Variants in CNTNAP2 observed in about 807,000 individuals in gnomAD.
CNTNAP2 encodes the protein contactin associated protein 2, also known as contactin-associated protein-like 2.
CNTNAP2 carries 98 observed loss-of-function variants against 155.2 expected under a neutral mutation model. That is an observed-to-expected ratio of 0.63 (90% CI 0.54 to 0.75). The LOEUF (loss-of-function observed/expected upper bound fraction) is 0.75, where lower values mean the gene tolerates loss of function less well. Among genes scored for constraint, CNTNAP2 ranks in the 30% least tolerant of loss-of-function variants. The pLI is 0.00. For synonymous variants in CNTNAP2, 651 were observed against 631.2 expected (o/e 1.03, Z -0.47); for missense variants, 1,727 against 1,688.1 (o/e 1.02, Z -0.40).
chr7:146,663,775 T>C (rs1165674903), intron 1 of CNTNAP2, among the ~76,000 whole-genome samples: 1 of 152,234 alleles, frequency 6.6e-6, no homozygotes, highest in Non-Finnish European at 1.5e-5. Flanking sequence ...ATTTTCTATA[T>C]ACGCCACCAT....
chr7:147,396,237 T>C (rs1525218), intron 10 of CNTNAP2, among the ~76,000 whole-genome samples: 95,864 of 149,394 alleles, frequency 0.64, 31,853 homozygotes, highest in African/African-American at 0.82. Context: ...TGTTCAACAG[T>C]CTCCAATCAG....
At position 147,008,317 on chromosome 7, in the gene CNTNAP2, C is replaced by T. The variant is rs146118136; in HGVS notation, c.403-35590C>T. The stretch of plus-strand genomic sequence containing the variant: ...TTCTAATATATAAGGAGAGAATGAA[C>T]TATAATTTTTATGGTCTTCATCTGA... On this transcript the variant is annotated intron_variant, in intron 3 of 23. Coordinates refer to ENST00000361727, the MANE Select transcript of CNTNAP2 (RefSeq NM_014141.6). Among the ~76,000 whole-genome samples, 5 of 152,124 alleles carry T rather than the reference C, an allele frequency of 3.3e-5. No individual in the cohort carries two copies. In the South Asian group the frequency reaches 8.3e-4, roughly 25 times the overall value.
intron 1 of CNTNAP2, among the ~76,000 whole-genome samples, chr7:146,215,328 G>A (rs1247951028): frequency 4.6e-5 from 7 of 151,966 alleles, no homozygotes; most frequent in African/African-American, 1.7e-4. Context: ...ATCTACTAAA[G>A]GTAAACATCA....
At chr7:146,606,560 A>G (rs1799051580) in intron 1 of CNTNAP2, among the ~76,000 whole-genome samples, 3 of 152,218 alleles carry the variant, frequency 2.0e-5, no homozygotes, top group African/African-American at 4.8e-5. Context: ...CCATAAGTCT[A>G]TAACATTCAT....
At chr7:146,128,721 T>A (rs1584762686) in intron 1 of CNTNAP2, among the ~76,000 whole-genome samples, 1 of 152,164 alleles carries the variant, frequency 6.6e-6, no homozygotes, top group Non-Finnish European at 1.5e-5. Context: ...TAGCTCTGTA[T>A]ACAAATTGTT....
In CNTNAP2 at chr7:146,744,934, T is replaced by A. The variant is rs531114491; in HGVS notation, c.98-29337T>A. Among the ~76,000 whole-genome samples, 3 of 152,332 alleles carry A rather than the reference T, an allele frequency of 2.0e-5. No homozygotes were observed. In the East Asian group the frequency reaches 5.8e-4, roughly 29 times the overall value. Reference sequence around the variant, plus strand: ...CTCTAAGTAGAATATTTGCATTATGTAAGCTAAAAAGATTGGCTTTTTAAA... The same window carrying A: ...CTCTAAGTAGAATATTTGCATTATGAAAGCTAAAAAGATTGGCTTTTTAAA... On this transcript the variant is annotated intron_variant, in intron 1 of 23. Transcript: ENST00000361727.
At chr7:147,314,625 A>G (rs1795192551) in intron 9 of CNTNAP2, among the ~76,000 whole-genome samples, 1 of 58,118 alleles carries the variant, frequency 1.7e-5, no homozygotes, top group Admixed American at 2.2e-4. Flanking sequence ...GAGAAGCTAC[A>G]TGCTTCAAAA....
chr7:147,650,906 A>G (rs1795440559), intron 13 of CNTNAP2, among the ~76,000 whole-genome samples: 2 of 152,226 alleles, frequency 1.3e-5, no homozygotes, highest in South Asian at 2.1e-4. Context: ...TAGTATGTCC[A>G]TCATGGATAA....
At chr7:146,519,202 C>A (rs1024580646) in intron 1 of CNTNAP2, among the ~76,000 whole-genome samples, 1 of 151,722 alleles carries the variant, frequency 6.6e-6, no homozygotes, top group Non-Finnish European at 1.5e-5. Flanking sequence ...GCTGTGAATT[C>A]TAAATGTCTA....
chr7:148,410,530 G>A (rs1799811628), intron 23 of CNTNAP2, among the ~76,000 whole-genome samples: 2 of 130,076 alleles, frequency 1.5e-5, no homozygotes, highest in African/African-American at 5.7e-5. Context: ...TCACACCACT[G>A]TACTCCAGTC....
intron 8 of CNTNAP2, among the ~76,000 whole-genome samples, chr7:147,139,519 T>G (rs1433813222): frequency 3.9e-5 from 6 of 152,074 alleles, no homozygotes; most frequent in African/African-American, 1.4e-4. Flanking sequence ...CTCCCCCCAT[T>G]AACCTCATGT....
At chr7:146,978,926 C>T (rs1368062697) in intron 3 of CNTNAP2, among the ~76,000 whole-genome samples, 4 of 152,042 alleles carry the variant, frequency 2.6e-5, no homozygotes, top group Non-Finnish European at 4.4e-5. Context: ...TACAGTTAAA[C>T]ACAGAGCACT....
chr7:146,803,515 G>A (rs1368653251), intron 2 of CNTNAP2, among the ~76,000 whole-genome samples: 3 of 152,056 alleles, frequency 2.0e-5, no homozygotes, highest in Non-Finnish European at 4.4e-5. Context: ...TTTCATCTTT[G>A]AATCCATGAC....
chr7:147,344,187 G>C (rs1161875625), intron 9 of CNTNAP2, among the ~76,000 whole-genome samples: 4 of 152,102 alleles, frequency 2.6e-5, no homozygotes, highest in African/African-American at 9.7e-5. Flanking sequence ...GTTGCCAGTA[G>C]CGCTGATTTA....
intron 9 of CNTNAP2, among the ~76,000 whole-genome samples, chr7:147,306,833 G>C (rs1795038211): frequency 6.6e-6 from 1 of 151,978 alleles, no homozygotes; most frequent in Admixed American, 6.6e-5. Flanking sequence ...CAGCACCATG[G>C]GAACCTCCCA....
intron 3 of CNTNAP2, among the ~76,000 whole-genome samples, chr7:146,957,079 T>G (rs1468845365): frequency 6.6e-6 from 1 of 152,124 alleles, no homozygotes; most frequent in Non-Finnish European, 1.5e-5. Context: ...TAGGCAATTT[T>G]GTCATAGTGT....
Position 146,382,300 on chromosome 7 carries a change from A to G in CNTNAP2, c.97+265327A>G, listed in dbSNP as rs555380231. Among the ~76,000 whole-genome samples, 7 of 152,322 alleles carry G rather than the reference A, an allele frequency of 4.6e-5. No homozygotes were observed. The East Asian group carries it at 1.4e-3, about 29-fold the overall frequency. ...AGAAAAACAAGAAAGAATAGTGCAT[A>G]GAAAAAGGAAGATGGTAACCTACTT... On this transcript the variant is annotated intron_variant, in intron 1 of 23. Transcript: ENST00000361727.
intron 1 of CNTNAP2, among the ~76,000 whole-genome samples, chr7:146,162,484 G>A (rs946815605): frequency 1.4e-4 from 21 of 152,240 alleles, no homozygotes; most frequent in African/African-American, 2.4e-4. Flanking sequence ...TTAGAATGGT[G>A]ATCATTAAAA....
intron 1 of CNTNAP2, among the ~76,000 whole-genome samples, chr7:146,575,261 C>T (rs1450515919): frequency 5.9e-5 from 9 of 152,066 alleles, no homozygotes; most frequent in Admixed American, 1.3e-4. Context: ...AGATTACAGG[C>T]GTGCACCACC....
Sources: gnomAD v4.1 joint callset for allele counts (sites outside exome capture counted in the v4.1 genomes callset) on GRCh38, gnomAD v4.1.1 for gene constraint, MANE v1.5 for transcripts, NCBI Gene and HGNC (gene_info 2026-07-23, HGNC 2026-07-21) for gene names.